AGBL4: variants seen among roughly 807,000 people sequenced by gnomAD.
The protein encoded by AGBL4 is AGBL carboxypeptidase 4, also known as cytosolic carboxypeptidase 6.
Under a neutral mutation model 66.4 loss-of-function variants are expected in AGBL4, and 58 were observed. That is an observed-to-expected ratio of 0.87 (90% confidence interval 0.71 to 1.09). AGBL4 has a LOEUF of 1.09. AGBL4 is among the 50% of genes least tolerant of loss of function. The pLI, the probability that AGBL4 is intolerant of heterozygous loss-of-function variation, is 0.00. For missense variants in AGBL4, 579 were observed against 631.0 expected, an observed-to-expected ratio of 0.92 and a Z score of 0.88; for synonymous variants, 234 against 222.9, an observed-to-expected ratio of 1.05 and a Z score of -0.44.
intron 1 of AGBL4, among the ~76,000 whole-genome samples, chr1:50,000,900 A>T (rs962355309): frequency 1.2e-4 from 19 of 152,096 alleles, no homozygotes; most frequent in African/African-American, 3.9e-4. Flanking sequence ...GACTTTCGGG[A>T]CTCAGGGGGA....
chr1:49,827,792 C>A lies in AGBL4; in HGVS notation c.157+23604G>T, dbSNP rs1249977941. Among the ~76,000 whole-genome samples, 3 of 152,140 alleles carry A rather than the reference C, an allele frequency of 2.0e-5. No individual in the cohort carries two copies. The East Asian group carries it at 5.8e-4, about 29-fold the overall frequency. ...TGGCATGAGCATCATACAAGTCATG[C>A]ACAGTAGGATCATATAGAGAGCCAT... On this transcript the variant is annotated intron_variant, in intron 2 of 13. Transcript: ENST00000371839.
chr1:48,888,637 T>C (rs1328069971), intron 5 of AGBL4, among the ~76,000 whole-genome samples: 1 of 152,202 alleles, frequency 6.6e-6, no homozygotes, highest in Non-Finnish European at 1.5e-5. Context: ...CAGCCATGCC[T>C]CCTGTACAGC....
intron 3 of AGBL4, among the ~76,000 whole-genome samples, chr1:49,315,518 A>T (rs1645024274): frequency 6.6e-6 from 1 of 152,214 alleles, no homozygotes; most frequent in African/African-American, 2.4e-5. Context: ...TAATATCTAG[A>T]ATCTACAAAG....
chr1:48,650,480 T>TCCTTC (rs1411601054), intron 8 of AGBL4, among the ~76,000 whole-genome samples: 1 of 150,926 alleles, frequency 6.6e-6, no homozygotes, highest in Non-Finnish European at 1.5e-5. Context: ...CTTCCTTCCT[T>TCCTTC]CTTTACTTCC....
chr1:49,166,162 A>C (rs1221873747), intron 4 of AGBL4, among the ~76,000 whole-genome samples: 1 of 152,172 alleles, frequency 6.6e-6, no homozygotes, highest in Non-Finnish European at 1.5e-5. Context: ...TCAGGGACCC[A>C]GCTTCATATA....
intron 3 of AGBL4, among the ~76,000 whole-genome samples, chr1:49,420,843 ATCC>A (rs1645530839): frequency 6.6e-6 from 1 of 152,212 alleles, no homozygotes; most frequent in Non-Finnish European, 1.5e-5. Flanking sequence ...TCTGTGCCAT[ATCC>A]TGTGCTAGAT....
At chr1:49,316,509 T>C (rs1398627652) in intron 3 of AGBL4, among the ~76,000 whole-genome samples, 1 of 151,826 alleles carries the variant, frequency 6.6e-6, no homozygotes, top group Admixed American at 6.6e-5. Context: ...AGAGAGAGCA[T>C]GAACGAGAGT....
chr1:49,995,092 G>A (rs567770836), intron 1 of AGBL4: 11 of 455,804 alleles, frequency 2.4e-5, no homozygotes, highest in Middle Eastern at 3.6e-4. Flanking sequence ...GAAACTTCCA[G>A]CTGAACTTTG....
chr1:48,838,061 T>G (rs1302805406), intron 6 of AGBL4, among the ~76,000 whole-genome samples: 1 of 151,846 alleles, frequency 6.6e-6, no homozygotes, highest in Non-Finnish European at 1.5e-5. Context: ...AGAGGGGGAT[T>G]GGTAGCATAG....
At chr1:49,283,356 C>T (rs1570329744) in intron 3 of AGBL4, among the ~76,000 whole-genome samples, 2 of 152,194 alleles carry the variant, frequency 1.3e-5, no homozygotes, top group South Asian at 2.1e-4. Flanking sequence ...ACATCCACAC[C>T]AAAAACCCAT....
chr1:48,917,416 A>T (rs1274915325), intron 5 of AGBL4, among the ~76,000 whole-genome samples: 2 of 152,134 alleles, frequency 1.3e-5, no homozygotes, highest in Non-Finnish European at 2.9e-5. Context: ...TAGAAAAAAA[A>T]ATCACACATT....
chr1:49,919,538 G>C lies in AGBL4; in HGVS notation c.35-68020C>G, dbSNP rs375217345. Among the ~76,000 whole-genome samples the C allele has an allele frequency of 3.4e-4, 52 of 152,254 alleles. 1 individual carries two copies. In the South Asian group the frequency reaches 9.5e-3, roughly 28 times the overall value. On this transcript the variant is annotated intron_variant, in intron 1 of 13. Coordinates refer to ENST00000371839, the MANE Select transcript of AGBL4 (RefSeq NM_032785.4). ...TAGGAATCCAACTTACAAGGGATGT[G>C]AAGGAACTCTTCAAGGAGAACTACA...
At chr1:49,165,093 G>A (rs1310260100) in intron 4 of AGBL4, among the ~76,000 whole-genome samples, 3 of 152,094 alleles carry the variant, frequency 2.0e-5, no homozygotes, top group Non-Finnish European at 4.4e-5. Flanking sequence ...ATGTCCATCT[G>A]GTTGGTACTG....
intron 1 of AGBL4, among the ~76,000 whole-genome samples, chr1:49,903,282 A>G (rs1649951868): frequency 6.6e-6 from 1 of 152,184 alleles, no homozygotes; most frequent in Non-Finnish European, 1.5e-5. Context: ...GTTCTCGCTT[A>G]TAAGTGGGGT....
At chr1:48,623,507 C>T (rs1161737999) in intron 9 of AGBL4, among the ~76,000 whole-genome samples, 1 of 152,254 alleles carries the variant, frequency 6.6e-6, no homozygotes, top group African/African-American at 2.4e-5. Context: ...CAGAATTCAG[C>T]TGTTTCCACC....
chr1:48,879,196 T>TA lies in AGBL4; in HGVS notation c.595-11967dup, dbSNP rs112037562. On this transcript the variant is annotated intron_variant, in intron 5 of 13. Transcript: ENST00000371839. ...ATGGAGAAAGCAAATGTGTTCAGTA[T>TA]AAAAAAAAAAAAAAGACAAAAATGT... is the stretch of plus-strand genomic sequence containing the variant. Among the ~76,000 whole-genome samples, 496 of 133,216 alleles carry TA rather than the reference T, an allele frequency of 3.7e-3. 6 individuals are homozygous for TA. The highest frequency in any genetic ancestry group is 0.011 in the African/African-American group (411 of 36,816). 87.4% of individuals were successfully genotyped at this position (133,216 alleles called of 152,430 possible). A position where few individuals can be genotyped will look rare whatever the true frequency, so the allele number is the denominator to read the frequency against.
intron 5 of AGBL4, among the ~76,000 whole-genome samples, chr1:49,009,277 G>A (rs1422890797): frequency 1.3e-5 from 2 of 152,142 alleles, no homozygotes; most frequent in African/African-American, 4.8e-5. Context: ...AAAAAATCTA[G>A]AAGAAATGGA....
intron 3 of AGBL4, among the ~76,000 whole-genome samples, chr1:49,246,773 C>T (rs894871463): frequency 6.6e-6 from 1 of 151,920 alleles, no homozygotes; most frequent in African/African-American, 2.4e-5. Context: ...ATGAGAGCTA[C>T]GGGTAGAGCA....
intron 6 of AGBL4, among the ~76,000 whole-genome samples, chr1:48,792,534 A>G (rs1008419694): frequency 5.3e-5 from 8 of 152,344 alleles, no homozygotes; most frequent in Non-Finnish European, 1.2e-4. Flanking sequence ...TGGTTAAGCC[A>G]GGAAATCTTG....
Sources: gnomAD v4.1 joint callset for allele counts (sites outside exome capture counted in the v4.1 genomes callset) on GRCh38, gnomAD v4.1.1 for gene constraint, MANE v1.5 for transcripts, NCBI Gene and HGNC (gene_info 2026-07-23, HGNC 2026-07-21) for gene names.